Variants in SDC2 observed in about 807,000 individuals in gnomAD.
SDC2 encodes the protein syndecan-2.
SDC2 carries 13 observed loss-of-function variants against 22.2 expected under a neutral mutation model. The observed-to-expected ratio is 0.59, with a 90% CI of 0.38 to 0.93. The LOEUF is 0.93. Ranked by LOEUF, SDC2 falls within the 40% of genes least tolerant of loss-of-function variation. The pLI, the probability that SDC2 is intolerant of heterozygous loss-of-function variation, is 0.00. For missense variants in SDC2, 235 were observed against 246.8 expected (o/e 0.95, Z 0.32); for synonymous variants, 94 against 92.8 (o/e 1.01, Z -0.07).
intron 1 of SDC2, among the ~76,000 whole-genome samples, chr8:96,561,804 G>C (rs1195623482): frequency 6.6e-6 from 1 of 152,218 alleles, no homozygotes; most frequent in Non-Finnish European, 1.5e-5. Context: ...AGAAATGCCA[G>C]TTAATGGAAT....
At chr8:96,545,641 C>T (rs773450243) in intron 1 of SDC2, among the ~76,000 whole-genome samples, 5 of 152,202 alleles carry the variant, frequency 3.3e-5, no homozygotes, top group Non-Finnish European at 7.3e-5. Context: ...GAGCAATGTT[C>T]TCAAACTGTG....
intron 1 of SDC2, among the ~76,000 whole-genome samples, chr8:96,505,190 C>G (rs1350360091): frequency 6.6e-6 from 1 of 152,140 alleles, no homozygotes; most frequent in African/African-American, 2.4e-5. Flanking sequence ...TAATACTTAG[C>G]TAAAACTTGC....
rs752621915 is a variant in SDC2, at chr8:96,609,482, C to T, written c.540C>T (p.Asp180=). 85 of 1,613,314 alleles carry T rather than the reference C, an allele frequency of 5.3e-5. No homozygotes were observed. In the Middle Eastern group the frequency reaches 4.3e-3, roughly 81 times the overall value. The change falls in exon 5 of 5, where the codon GAC becomes GAT. Residue 180 remains aspartate, a synonymous_variant. Coordinates refer to ENST00000302190, the MANE Select transcript of SDC2 (RefSeq NM_002998.4). ...GAAAGAAGGATGAAGGAAGCTATGACCTTGGAGAACGCAAACCATCCAGTG... is the reference window on the plus strand; with the variant it reads ...GAAAGAAGGATGAAGGAAGCTATGATCTTGGAGAACGCAAACCATCCAGTG... ...RMRKKDEGSY[D]LGERKPSSAA...
At chr8:96,496,417 A>G (rs1386888735) in intron 1 of SDC2, among the ~76,000 whole-genome samples, 2 of 152,236 alleles carry the variant, frequency 1.3e-5, no homozygotes. Flanking sequence ...GTGATTAGAT[A>G]TTTATAAAAT....
At chr8:96,495,360 C>T (rs1042908290) in intron 1 of SDC2, among the ~76,000 whole-genome samples, 1 of 152,194 alleles carries the variant, frequency 6.6e-6, no homozygotes, top group Non-Finnish European at 1.5e-5. Flanking sequence ...AGCTTGTTTC[C>T]CCACGTCGCC....
intron 1 of SDC2, among the ~76,000 whole-genome samples, chr8:96,528,941 G>T (rs1190738074): frequency 2.0e-5 from 3 of 152,250 alleles, no homozygotes; most frequent in African/African-American, 7.2e-5. Context: ...TACCTCTCTT[G>T]GTCTCAGTGT....
chr8:96,590,338 C>T (rs994074471), intron 1 of SDC2, among the ~76,000 whole-genome samples: 4 of 152,218 alleles, frequency 2.6e-5, no homozygotes, highest in Admixed American at 2.0e-4. Context: ...TGCTTCTGCA[C>T]GTTTCCTTCC....
intron 1 of SDC2, among the ~76,000 whole-genome samples, chr8:96,533,502 G>A (rs1034869322): frequency 6.6e-6 from 1 of 152,198 alleles, no homozygotes; most frequent in Non-Finnish European, 1.5e-5. Flanking sequence ...ACAGGGTGCT[G>A]ATTGGTGTAT....
chr8:96,591,404 C>A (rs1276712381), intron 1 of SDC2, among the ~76,000 whole-genome samples: 1 of 152,106 alleles, frequency 6.6e-6, no homozygotes, highest in Admixed American at 6.6e-5. Context: ...TCCTGGAGGT[C>A]TTGTGACATG....
rs939559614 is a variant in SDC2, at chr8:96,570,453, A to T, written c.61-23027A>T. Among the ~76,000 whole-genome samples the T allele has an allele frequency of 2.0e-5, 3 of 152,248 alleles. No homozygotes were observed. The South Asian group carries it at 6.2e-4, about 31-fold the overall frequency. On this transcript the variant is annotated intron_variant, in intron 1 of 4. Coordinates refer to ENST00000302190, the MANE Select transcript of SDC2 (RefSeq NM_002998.4). ...GCAAAAACAAAAAACAAAAAACCCA[A>T]AGACACAGGTCCTGCCCTTGGGGAA...
intron 1 of SDC2, chr8:96,538,622 G>A (rs1292101741): frequency 6.6e-6 from 1 of 152,170 alleles, no homozygotes; most frequent in African/African-American, 2.4e-5. Flanking sequence ...TGGGAAGTTT[G>A]TTAATTGCTA....
At chr8:96,534,079 G>A (rs185975689) in intron 1 of SDC2, among the ~76,000 whole-genome samples, 6 of 152,338 alleles carry the variant, frequency 3.9e-5, no homozygotes, top group East Asian at 1.9e-4. Flanking sequence ...GCCCGGGGCC[G>A]GCGGTGCCCA....
intron 1 of SDC2, among the ~76,000 whole-genome samples, chr8:96,554,487 A>G (rs1452819196): frequency 1.3e-5 from 2 of 152,354 alleles, no homozygotes; most frequent in East Asian, 3.9e-4. Flanking sequence ...TTAGTTAAAA[A>G]AAAAAGACCT....
At chr8:96,557,778 TA>T (rs889745024) in intron 1 of SDC2, among the ~76,000 whole-genome samples, 66 of 149,184 alleles carry the variant, frequency 4.4e-4, no homozygotes, top group East Asian at 3.5e-3. Context: ...AGTATAATAA[TA>T]AAAAAAAAAG....
intron 1 of SDC2, among the ~76,000 whole-genome samples, chr8:96,572,817 A>C (rs754013195): frequency 6.6e-6 from 1 of 152,148 alleles, no homozygotes; most frequent in Non-Finnish European, 1.5e-5. Flanking sequence ...TTCTTACCCC[A>C]AGGAATTCCT....
In SDC2 at chr8:96,493,902, A is replaced by C; in HGVS notation, c.-370A>C. 1 of 237,886 alleles carries C rather than the reference A, an allele frequency of 4.2e-6. No homozygotes were observed. Among genetic ancestry groups the C allele is most frequent in the Non-Finnish European group, 8.1e-6 (1 of 123,202 alleles). 14.7% of individuals were successfully genotyped at this position (237,886 alleles called of 1,614,324 possible). A position where few individuals can be genotyped will look rare whatever the true frequency, so the allele number is the denominator to read the frequency against. ...CCGTAGCTCCCTTTCAAGCCAGCGA[A>C]TTTATTCCTTAAAACCAGAAACTGA... On this transcript the variant is annotated 5_prime_UTR_variant, in exon 1 of 5. Transcript: ENST00000302190.
chr8:96,608,534 T>C, intron 4 of SDC2, 64 bp downstream of exon 4: 2 of 1,397,472 alleles, frequency 1.4e-6, no homozygotes, highest in Non-Finnish European at 1.9e-6. Context: ...GTCTAAGTGA[T>C]ATTCAAAAGT....
chr8:96,561,754 A>G (rs1287003056), intron 1 of SDC2, among the ~76,000 whole-genome samples: 1 of 152,218 alleles, frequency 6.6e-6, no homozygotes, highest in Non-Finnish European at 1.5e-5. Flanking sequence ...GAAAGAATCC[A>G]GCTGAGAACA....
chr8:96,603,137 C>T (rs1484735737), intron 3 of SDC2, among the ~76,000 whole-genome samples: 2 of 152,158 alleles, frequency 1.3e-5, no homozygotes, highest in African/African-American at 4.8e-5. Context: ...ATTTTGACCT[C>T]GTTAATATTG....
Sources: allele counts gnomAD v4.1 joint callset (sites outside exome capture counted in the v4.1 genomes callset), GRCh38; gene constraint gnomAD v4.1.1; transcripts MANE v1.5; gene names NCBI Gene and HGNC (gene_info 2026-07-23, HGNC 2026-07-21).